The following CXADR variants were observed in gnomAD, a reference collection of about 807,000 sequenced individuals.
The protein encoded by CXADR is CXADR cell adhesion molecule, also known as coxsackievirus and adenovirus receptor.
CXADR carries 20 observed loss-of-function variants against 40.3 expected under a neutral mutation model. The observed-to-expected ratio is 0.50, with a 90% CI of 0.35 to 0.72. CXADR has a LOEUF of 0.72. Ranked by LOEUF, CXADR falls within the 30% of genes least tolerant of loss-of-function variation. CXADR has a pLI of 0.01. For missense variants in CXADR, 332 were observed against 449.1 expected (o/e 0.74, Z 2.36); for synonymous variants, 150 against 161.3 (o/e 0.93, Z 0.53).
chr21:17,579,388 G>A (rs946163880), intron 7 of CXADR, among the ~76,000 whole-genome samples: 11 of 151,658 alleles, frequency 7.3e-5, no homozygotes, highest in Non-Finnish European at 1.5e-4. Flanking sequence ...AGGTTCAAGC[G>A]ATTCTCCTGC....
chr21:17,555,461 A>G (rs1286572918), intron 3 of CXADR, among the ~76,000 whole-genome samples: 3 of 152,206 alleles, frequency 2.0e-5, no homozygotes, highest in Admixed American at 1.3e-4. Flanking sequence ...AATTTCCCCT[A>G]ATGTTAACAT....
chr21:17,533,460 G>A (rs1013877207), intron 1 of CXADR, among the ~76,000 whole-genome samples: 2 of 152,130 alleles, frequency 1.3e-5, no homozygotes, highest in Non-Finnish European at 2.9e-5. Context: ...TATGATGTTC[G>A]TGGATTGACT....
Position 17,519,061 on chromosome 21 carries a change from C to T in CXADR, c.43+5889C>T. 5.9e-6 allele frequency: 6 copies of T among 1,019,194 alleles called. No individual in the cohort carries two copies. In the South Asian group the frequency reaches 7.9e-5, roughly 13 times the overall value. The allele number at this position is 1,019,194 out of a possible 1,614,324, so 63.1% of individuals were successfully genotyped here. ...CACGCGGCAAGAGCAAGATGGCTGC[C>T]CGATATGCCCCCTCTTAATCTTTTC... On this transcript the variant is annotated intron_variant, in intron 1 of 6. Coordinates refer to ENST00000284878, the MANE Select transcript of CXADR (RefSeq NM_001338.5).
chr21:17,613,883 G>A, the CXADR span: 1 of 152,148 alleles, frequency 6.6e-6, no homozygotes, highest in Admixed American at 6.5e-5. Context: ...GCTAAACCAT[G>A]TTGTAAACTA....
intron 1 of CXADR, among the ~76,000 whole-genome samples, chr21:17,513,655 C>T (rs1007631336): frequency 6.6e-6 from 1 of 152,212 alleles, no homozygotes; most frequent in African/African-American, 2.4e-5. Flanking sequence ...GGACATGGAG[C>T]TGCCCGGTGC....
At chr21:17,547,460 G>A (rs541762513) in intron 2 of CXADR, among the ~76,000 whole-genome samples, 146 of 152,322 alleles carry the variant, frequency 9.6e-4, no homozygotes, top group Non-Finnish European at 1.5e-3. Flanking sequence ...CAGGGAAGAA[G>A]AGGAACTTAT....
At chr21:17,530,494 T>TC in intron 1 of CXADR, 1 of 445,750 alleles carries the variant, frequency 2.2e-6, no homozygotes, top group South Asian at 1.6e-5. Flanking sequence ...GGACCCTTTT[T>TC]CCCAGCTTTT....
the CXADR span, among the ~76,000 whole-genome samples, chr21:17,621,943 G>T: frequency 0.016 from 2,470 of 152,276 alleles, 61 homozygotes; most frequent in African/African-American, 0.056. Flanking sequence ...AATGGTGTAG[G>T]TATATAAAAG....
At chr21:17,546,182 G>T (rs1319056276) in intron 1 of CXADR, among the ~76,000 whole-genome samples, 1 of 152,128 alleles carries the variant, frequency 6.6e-6, no homozygotes, top group Admixed American at 6.5e-5. Context: ...TCAATAGAAG[G>T]TTATAGAATT....
At chr21:17,576,706 G>C (rs568945817) in intron 7 of CXADR, 1 of 152,284 alleles carries the variant, frequency 6.6e-6, no homozygotes, top group African/African-American at 2.4e-5. Context: ...CAGTAACTCG[G>C]AAGTAGTCCC....
At chr21:17,542,577 T>C (rs763102151) in intron 1 of CXADR, among the ~76,000 whole-genome samples, 3 of 152,184 alleles carry the variant, frequency 2.0e-5, no homozygotes, top group Non-Finnish European at 4.4e-5. Context: ...AACTGGGAAA[T>C]GTTATTTCAG....
downstream of CXADR, among the ~76,000 whole-genome samples, chr21:17,573,676 A>T (rs181166323): frequency 6.6e-6 from 1 of 152,314 alleles, no homozygotes; most frequent in East Asian, 1.9e-4. Flanking sequence ...TGGGAGGCCG[A>T]GGCAAGTGGA....
At position 17,570,063 on chromosome 21, in the gene CXADR, G is replaced by A; in HGVS notation, c.*4371G>A. On this transcript the variant is annotated 3_prime_UTR_variant, in exon 7 of 7. Coordinates refer to ENST00000284878, the MANE Select transcript of CXADR (RefSeq NM_001338.5). ...GAAAAACAACTTGCTCTAGTTTTGT[G>A]ACCTTGTGTACTTTTGAAATAAAAT... is the stretch of plus-strand genomic sequence containing the variant. The A allele has an allele frequency of 1.0e-6, 1 of 985,378 alleles. No homozygotes were observed. The highest frequency in any genetic ancestry group is 1.7e-5 in the African/African-American group (1 of 57,344). 61.0% of individuals were successfully genotyped at this position (985,378 alleles called of 1,614,324 possible). A position where few individuals can be genotyped will look rare whatever the true frequency, so the allele number is the denominator to read the frequency against.
intron 7 of CXADR, among the ~76,000 whole-genome samples, chr21:17,591,406 T>C (rs970163761): frequency 4.7e-4 from 72 of 152,046 alleles, no homozygotes; most frequent in Non-Finnish European, 3.4e-4. Flanking sequence ...TAGGTGTTTG[T>C]ATTTTTCCCT....
chr21:17,632,621 A>G, the CXADR span, among the ~76,000 whole-genome samples: 1 of 151,936 alleles, frequency 6.6e-6, no homozygotes, highest in Non-Finnish European at 1.5e-5. Flanking sequence ...TAATGCCAGC[A>G]CTTTGGGAGG....
At chr21:17,557,670 G>A (rs939428533) in intron 3 of CXADR, among the ~76,000 whole-genome samples, 9 of 152,042 alleles carry the variant, frequency 5.9e-5, no homozygotes, top group African/African-American at 9.7e-5. Context: ...ATACAATAAC[G>A]GCTCAATCTC....
intron 3 of CXADR, among the ~76,000 whole-genome samples, chr21:17,556,898 C>T (rs779265433): frequency 9.9e-5 from 15 of 152,104 alleles, no homozygotes; most frequent in African/African-American, 1.7e-4. Flanking sequence ...TATGATAAAT[C>T]ATGTTGAGCC....
chr21:17,604,050 C>T, the CXADR span: 5 of 1,080,918 alleles, frequency 4.6e-6, no homozygotes, highest in Non-Finnish European at 6.0e-6. Flanking sequence ...GATTTCATAC[C>T]TAGCACTGAT....
At chr21:17,519,475 C>G (rs924085151) in intron 1 of CXADR, among the ~76,000 whole-genome samples, 1 of 152,210 alleles carries the variant, frequency 6.6e-6, no homozygotes, top group Admixed American at 6.5e-5. Context: ...TGAGCTTCTG[C>G]TTTATCTTTG....
Sources: allele counts gnomAD v4.1 joint callset (sites outside exome capture counted in the v4.1 genomes callset), GRCh38; gene constraint gnomAD v4.1.1; transcripts MANE v1.5; gene names NCBI Gene and HGNC (gene_info 2026-07-23, HGNC 2026-07-21).